Variants in ANGPTL5 observed in about 807,000 individuals in gnomAD.
ANGPTL5 encodes angiopoietin-related protein 5.
A neutral mutation model predicts 39.4 loss-of-function variants in ANGPTL5; 34 were observed. That is an observed-to-expected ratio of 0.86 (90% CI 0.66 to 1.15). The LOEUF is 1.15. Among genes scored for constraint, ANGPTL5 ranks in the 50% most tolerant of loss-of-function variants. The pLI is 0.00. For missense variants in ANGPTL5, 467 were observed against 457.5 expected, an observed-to-expected ratio of 1.02 and a Z score of -0.19; for synonymous variants, 146 against 152.1, an observed-to-expected ratio of 0.96 and a Z score of 0.29.
chr11:101,915,105 C>T lies in ANGPTL5; in HGVS notation c.-93+914G>A, dbSNP rs994495203. On this transcript the variant is annotated intron_variant, in intron 1 of 8. Transcript: ENST00000334289. ...TCGCCGCTGCCTCAGCTGCCATCGCCGCTACAGGCACCAGTGCCGCTGCGC... is the reference window on the plus strand; with the variant it reads ...TCGCCGCTGCCTCAGCTGCCATCGCTGCTACAGGCACCAGTGCCGCTGCGC... The T allele has an allele frequency of 1.9e-5, 17 of 898,404 alleles. No homozygotes were observed. The South Asian group carries it at 2.9e-4, about 15-fold the overall frequency. 55.7% of individuals were successfully genotyped at this position (898,404 alleles called of 1,614,324 possible). A position where few individuals can be genotyped will look rare whatever the true frequency, so the allele number is the denominator to read the frequency against.
rs1278029638 is a variant in ANGPTL5 at position 101,890,984 on chromosome 11, A to G, written c.*295T>C. On this transcript the variant is annotated 3_prime_UTR_variant, in exon 9 of 9. Coordinates refer to ENST00000334289, the MANE Select transcript of ANGPTL5 (RefSeq NM_178127.5). ...ATTATGGTTTAAAAATGCTTCAAAG[A>G]AAAGGCAAAATCCTTTAAAATCACT... 1 of 223,338 alleles carries G rather than the reference A, an allele frequency of 4.5e-6. No homozygotes were observed. The highest frequency in any genetic ancestry group is 8.9e-6 in the Non-Finnish European group (1 of 112,936). The allele number at this position is 223,338 out of a possible 1,614,324, so 13.8% of individuals were successfully genotyped here.
In ANGPTL5 at chr11:101,891,727, A is replaced by G. The variant is rs138770099; in HGVS notation, c.848-129T>C. ...TTAAATTATTTTCCTACTGTTTATC[A>G]TGTTAAAATTCTCCTACTCGAAGAT... On this transcript the variant is annotated intron_variant, in intron 8 of 8. Coordinates refer to ENST00000334289, the MANE Select transcript of ANGPTL5 (RefSeq NM_178127.5). The G allele has an allele frequency of 2.5e-5, 24 of 969,224 alleles. 1 individual carries two copies. The East Asian group carries it at 5.8e-4, about 23-fold the overall frequency. The allele number at this position is 969,224 out of a possible 1,614,324, so 60.0% of individuals were successfully genotyped here. A position where few individuals can be genotyped will look rare whatever the true frequency, so the allele number is the denominator to read the frequency against.
chr11:101,897,267 A>C (rs990131759), intron 7 of ANGPTL5, among the ~76,000 whole-genome samples: 4 of 152,160 alleles, frequency 2.6e-5, no homozygotes, highest in Non-Finnish European at 4.4e-5. Flanking sequence ...CCTTTGCCAG[A>C]AGGATAGATT....
intron 1 of ANGPTL5, among the ~76,000 whole-genome samples, chr11:101,914,823 A>C (rs899015375): frequency 1.3e-5 from 2 of 152,218 alleles, no homozygotes; most frequent in Admixed American, 6.5e-5. Flanking sequence ...AAAGGGAGGC[A>C]GAACTGCATC....
At chr11:101,901,378 C>A (rs543240406) in intron 6 of ANGPTL5, among the ~76,000 whole-genome samples, 6 of 152,138 alleles carry the variant, frequency 3.9e-5, no homozygotes, top group South Asian at 2.1e-4. Context: ...CTCCCACAAA[C>A]CTGGAAGGCC....
chr11:101,906,886 T>C (rs1231184323), intron 3 of ANGPTL5, among the ~76,000 whole-genome samples: 1 of 152,104 alleles, frequency 6.6e-6, no homozygotes, highest in African/African-American at 2.4e-5. Flanking sequence ...TGAGACCCTT[T>C]TGTTGCACAC....
intron 1 of ANGPTL5, among the ~76,000 whole-genome samples, chr11:101,913,049 A>G (rs966287262): frequency 2.6e-5 from 4 of 152,220 alleles, no homozygotes; most frequent in Non-Finnish European, 4.4e-5. Flanking sequence ...TGAGATAAGC[A>G]ATAGTAAAAC....
At chr11:101,902,115 A>G (rs1401933681) in intron 6 of ANGPTL5, among the ~76,000 whole-genome samples, 1 of 152,074 alleles carries the variant, frequency 6.6e-6, no homozygotes, top group Non-Finnish European at 1.5e-5. Flanking sequence ...TCTGCCTTGT[A>G]CCCCACTGAA....
chr11:101,893,624 A>G (rs1939742973), intron 8 of ANGPTL5, among the ~76,000 whole-genome samples: 1 of 152,238 alleles, frequency 6.6e-6, no homozygotes, highest in East Asian at 1.9e-4. Flanking sequence ...GTCATCTTTC[A>G]GAGAATCCCC....
At chr11:101,905,110 TG>T (rs1250928221) in intron 4 of ANGPTL5, among the ~76,000 whole-genome samples, 1 of 152,202 alleles carries the variant, frequency 6.6e-6, no homozygotes, top group Non-Finnish European at 1.5e-5. Flanking sequence ...TGATTTTATC[TG>T]CCCCGATTTC....
intron 1 of ANGPTL5, among the ~76,000 whole-genome samples, chr11:101,914,507 G>A (rs1940152499): frequency 6.6e-6 from 1 of 152,192 alleles, no homozygotes; most frequent in East Asian, 1.9e-4. Context: ...TCTAAGTAGG[G>A]CAAAGGCAAG....
chr11:101,895,986 C>T (rs1829934901), intron 7 of ANGPTL5, among the ~76,000 whole-genome samples: 1 of 152,064 alleles, frequency 6.6e-6, no homozygotes, highest in African/African-American at 2.4e-5. Flanking sequence ...TAGCAACACG[C>T]TCACTTACAA....
intron 8 of ANGPTL5, among the ~76,000 whole-genome samples, chr11:101,893,518 T>C (rs1175727006): frequency 2.0e-5 from 3 of 152,214 alleles, no homozygotes; most frequent in Non-Finnish European, 4.4e-5. Flanking sequence ...TTCATAACCT[T>C]GTTGGGAAAA....
intron 1 of ANGPTL5, 145 bp from the exon 2 acceptor site, chr11:101,908,146 G>A (rs1940029921): frequency 2.5e-6 from 1 of 400,582 alleles, no homozygotes; most frequent in Non-Finnish European, 4.6e-6. Context: ...ATCACTTCAT[G>A]TCTGTATTAT....
At chr11:101,898,914 G>A (rs1013279549) in intron 7 of ANGPTL5, among the ~76,000 whole-genome samples, 6 of 152,066 alleles carry the variant, frequency 3.9e-5, no homozygotes, top group African/African-American at 7.2e-5. Context: ...TGTAATTTTC[G>A]TCATTGGTTC....
At chr11:101,893,555 A>G (rs747863029) in intron 8 of ANGPTL5, among the ~76,000 whole-genome samples, 7 of 152,176 alleles carry the variant, frequency 4.6e-5, no homozygotes, top group Non-Finnish European at 1.0e-4. Flanking sequence ...GCAAAATTTG[A>G]GACTTTTGTA....
rs181586973 is a variant in ANGPTL5, at chr11:101,914,082, T to G, written c.-93+1937A>C. Among the ~76,000 whole-genome samples, 405 of 152,346 alleles carry G rather than the reference T, an allele frequency of 2.7e-3. 2 individuals carry two copies. The highest frequency in any genetic ancestry group is 9.1e-3 in the African/African-American group (379 of 41,584). ...GCAACCAAGTTTGCAAAGATTGTTT[T>G]AAACAGTTTCAACTGGAAAAGTTTA... is the stretch of plus-strand genomic sequence containing the variant. On this transcript the variant is annotated intron_variant, in intron 1 of 8. Transcript: ENST00000334289.
chr11:101,900,409 T>G (rs770380435), intron 7 of ANGPTL5, 21 bp downstream of exon 7: 3 of 1,608,346 alleles, frequency 1.9e-6, no homozygotes, highest in Admixed American at 3.3e-5. Context: ...CAATGTAGAG[T>G]AGAAATACAA....
At chr11:101,902,870 G>C in intron 5 of ANGPTL5, 149 bp from the exon 6 acceptor site, 1 of 560,414 alleles carries the variant, frequency 1.8e-6, no homozygotes, top group East Asian at 3.0e-5. Context: ...CACAATTTTA[G>C]AAATAAAAAG....
Sources: allele counts gnomAD v4.1 joint callset (sites outside exome capture counted in the v4.1 genomes callset), GRCh38; gene constraint gnomAD v4.1.1; transcripts MANE v1.5; gene names NCBI Gene and HGNC (gene_info 2026-07-23, HGNC 2026-07-21).